AGBL4: variants seen among roughly 807,000 people sequenced by gnomAD.
AGBL4 encodes the protein AGBL carboxypeptidase 4.
Under a neutral mutation model 66.4 loss-of-function variants are expected in AGBL4, and 58 were observed. The observed-to-expected ratio is 0.87, with a 90% CI of 0.71 to 1.09. AGBL4 has a LOEUF of 1.09. AGBL4 is among the 50% of genes least tolerant of loss of function. The pLI, the probability that AGBL4 is intolerant of heterozygous loss-of-function variation, is 0.00. For missense variants in AGBL4, 579 were observed against 631.0 expected, an observed-to-expected ratio of 0.92 and a Z score of 0.88; for synonymous variants, 234 against 222.9, an observed-to-expected ratio of 1.05 and a Z score of -0.44.
At chr1:49,742,398 A>G (rs932716787) in intron 2 of AGBL4, among the ~76,000 whole-genome samples, 3 of 152,176 alleles carry the variant, frequency 2.0e-5, no homozygotes, top group South Asian at 4.1e-4. Flanking sequence ...AACGAAATAA[A>G]AGAGAATACA....
At chr1:48,598,257 G>A (rs80058357) in intron 9 of AGBL4, among the ~76,000 whole-genome samples, 9,170 of 152,212 alleles carry the variant, frequency 0.06, 326 homozygotes, top group African/African-American at 0.1. Context: ...GCATGAATGA[G>A]GCAGTTGAGA....
At chr1:48,695,803 C>A (rs1646704761) in intron 6 of AGBL4, among the ~76,000 whole-genome samples, 1 of 152,178 alleles carries the variant, frequency 6.6e-6, no homozygotes, top group Non-Finnish European at 1.5e-5. Context: ...CCCCAAGGTG[C>A]TGCAAAGACA....
chr1:49,416,764 T>C (rs532073141), intron 3 of AGBL4, among the ~76,000 whole-genome samples: 104 of 152,208 alleles, frequency 6.8e-4, no homozygotes, highest in Non-Finnish European at 1.2e-3. Flanking sequence ...TATTAGTTAA[T>C]ACAGATAAAA....
In AGBL4 at chr1:49,316,933, TA is replaced by T. The variant is rs1021651020; in HGVS notation, c.283-71070del. Among the ~76,000 whole-genome samples, 9 of 151,838 alleles carry T rather than the reference TA, an allele frequency of 5.9e-5. 1 individual carries two copies. Among genetic ancestry groups the T allele is most frequent in the South Asian group, 4.1e-4 (2 of 4,822 alleles). On this transcript the variant is annotated intron_variant, in intron 3 of 13. Coordinates refer to ENST00000371839, the MANE Select transcript of AGBL4 (RefSeq NM_032785.4). ...ACCTTAGAAAAAAACATTTAATGTATAAAAAAAATTTAAGGATATATTGCCA... is the reference window on the plus strand; with the variant it reads ...ACCTTAGAAAAAAACATTTAATGTATAAAAAAATTTAAGGATATATTGCCA...
rs1388563534 is a variant in AGBL4 at position 48,778,840 on chromosome 1, T to TA, written c.634+88350dup. ...GTTATATAAGTGAATCCCATCAACATATAGCTCTCATATCCAAATGTGTAG... is the reference window on the plus strand; with the variant it reads ...GTTATATAAGTGAATCCCATCAACATAATAGCTCTCATATCCAAATGTGTAG... On this transcript the variant is annotated intron_variant, in intron 6 of 13. Transcript: ENST00000371839. Among the ~76,000 whole-genome samples the TA allele has an allele frequency of 8.5e-5, 13 of 152,220 alleles. 1 individual carries two copies. Among genetic ancestry groups the TA allele is most frequent in the African/African-American group, 3.1e-4 (13 of 41,456 alleles).
chr1:48,992,948 T>C (rs1283339321), intron 5 of AGBL4, among the ~76,000 whole-genome samples: 1 of 152,160 alleles, frequency 6.6e-6, no homozygotes, highest in Non-Finnish European at 1.5e-5. Context: ...AATTCGGGAC[T>C]ACAAGCTCCT....
intron 4 of AGBL4, among the ~76,000 whole-genome samples, chr1:49,230,188 T>C (rs1557748966): frequency 1.3e-5 from 2 of 152,184 alleles, no homozygotes; most frequent in Admixed American, 6.5e-5. Flanking sequence ...CCACCTTGCT[T>C]ATGTGCCTCC....
intron 5 of AGBL4, among the ~76,000 whole-genome samples, chr1:48,912,164 T>A (rs1653186013): frequency 6.6e-6 from 1 of 152,230 alleles, no homozygotes; most frequent in Admixed American, 6.5e-5. Flanking sequence ...CTATCATGTT[T>A]AGTGGTTGTA....
chr1:49,222,607 T>C lies in AGBL4; in HGVS notation c.377+23163A>G, dbSNP rs577039700. The stretch of plus-strand genomic sequence containing the variant: ...AAATACATGAACATTTTTTTAAGAT[T>C]GTTTTTTCTGGTTTCCCTAGAGAAA... On this transcript the variant is annotated intron_variant, in intron 4 of 13. Transcript: ENST00000371839. 1.6e-4 allele frequency among the ~76,000 whole-genome samples: 24 copies of C among 152,336 alleles called. 1 individual carries two copies. In the South Asian group the frequency reaches 4.6e-3, roughly 29 times the overall value.
At chr1:49,831,967 C>T (rs1027924275) in intron 2 of AGBL4, among the ~76,000 whole-genome samples, 11 of 151,202 alleles carry the variant, frequency 7.3e-5, no homozygotes, top group African/African-American at 2.4e-4. Context: ...CTGACTAGAT[C>T]GTGGTGGATA....
chr1:49,405,201 G>C (rs1645170807), intron 3 of AGBL4, among the ~76,000 whole-genome samples: 1 of 152,098 alleles, frequency 6.6e-6, no homozygotes, highest in Non-Finnish European at 1.5e-5. Flanking sequence ...ATAACATTCA[G>C]AGAGGCCCAG....
At chr1:49,785,167 T>C (rs1644422574) in intron 2 of AGBL4, among the ~76,000 whole-genome samples, 1 of 151,984 alleles carries the variant, frequency 6.6e-6, no homozygotes, top group African/African-American at 2.4e-5. Flanking sequence ...TACCAGTAGC[T>C]GGGGATGAGT....
intron 6 of AGBL4, among the ~76,000 whole-genome samples, chr1:48,752,249 G>T (rs1651857790): frequency 6.6e-6 from 1 of 152,140 alleles, no homozygotes; most frequent in South Asian, 2.1e-4. Context: ...ATGAACTGAG[G>T]CTGAAAGAGA....
intron 2 of AGBL4, among the ~76,000 whole-genome samples, chr1:49,785,825 A>G (rs1644438365): frequency 6.6e-6 from 1 of 150,734 alleles, no homozygotes; most frequent in Admixed American, 6.6e-5. Context: ...GTCATTACAT[A>G]CCTCTCAGAA....
At chr1:49,293,119 G>C (rs1644574699) in intron 3 of AGBL4, among the ~76,000 whole-genome samples, 1 of 152,224 alleles carries the variant, frequency 6.6e-6, no homozygotes, top group Non-Finnish European at 1.5e-5. Context: ...CCTGGTGCCA[G>C]CCATGGAAGT....
chr1:49,614,661 C>G (rs963561187), intron 3 of AGBL4, among the ~76,000 whole-genome samples: 2 of 152,192 alleles, frequency 1.3e-5, no homozygotes, highest in East Asian at 3.9e-4. Flanking sequence ...TATACTCCCA[C>G]CCACAGTGTA....
chr1:48,993,005 A>G (rs1660728804), intron 5 of AGBL4, among the ~76,000 whole-genome samples: 1 of 152,058 alleles, frequency 6.6e-6, no homozygotes, highest in Non-Finnish European at 1.5e-5. Context: ...CTAAGCTGCA[A>G]AACAAAGTCT....
intron 6 of AGBL4, among the ~76,000 whole-genome samples, chr1:48,836,954 A>G (rs1390978230): frequency 6.7e-6 from 1 of 148,812 alleles, no homozygotes; most frequent in Non-Finnish European, 1.5e-5. Flanking sequence ...ATAAAATAAT[A>G]AAAAGATAAT....
chr1:49,945,818 C>T (rs955320825), intron 1 of AGBL4, among the ~76,000 whole-genome samples: 1 of 151,870 alleles, frequency 6.6e-6, no homozygotes, highest in Non-Finnish European at 1.5e-5. Flanking sequence ...CTTCAAGAGA[C>T]TCAAGTAAGG....
Sources: gnomAD v4.1 joint callset for allele counts (sites outside exome capture counted in the v4.1 genomes callset) on GRCh38, gnomAD v4.1.1 for gene constraint, MANE v1.5 for transcripts, NCBI Gene and HGNC (gene_info 2026-07-23, HGNC 2026-07-21) for gene names.